The following SH3BP2 variants were observed in gnomAD, a reference collection of about 807,000 sequenced individuals.
SH3BP2 encodes the protein SH3 domain binding protein 2, also known as SH3 domain-binding protein 2.
In SH3BP2, 38 loss-of-function variants were observed where a neutral mutation model predicts 56.2. The observed-to-expected ratio is 0.68, with a 90% confidence interval of 0.52 to 0.89. The LOEUF (loss-of-function observed/expected upper bound fraction) is 0.89, where lower values mean the gene tolerates loss of function less well. SH3BP2 is among the 40% of genes least tolerant of loss of function. The pLI, the probability that SH3BP2 is intolerant of heterozygous loss-of-function variation, is 0.00. For synonymous variants in SH3BP2, 346 were observed against 316.7 expected, an observed-to-expected ratio of 1.09 and a Z score of -0.98; for missense variants, 748 against 762.6, an observed-to-expected ratio of 0.98 and a Z score of 0.23.
In SH3BP2 at chr4:2,810,879, G is replaced by A. The variant is rs919623932; in HGVS notation, c.-4-9735G>A. Among the ~76,000 whole-genome samples, 4 of 152,194 alleles carry A rather than the reference G, an allele frequency of 2.6e-5. No individual in the cohort carries two copies. The highest frequency in any genetic ancestry group is 5.9e-5 in the Non-Finnish European group (4 of 68,036). ...TCTCAACCCTCCTGCAAGGAGGAAA[G>A]AGAATGGGAAGAGGCCCCACTCTGT... On this transcript the variant is annotated intron_variant, in intron 1 of 12. Transcript: ENST00000503393. The surrounding 1 kb of genome is among the most constrained non-coding windows in gnomAD (Gnocchi z 4.2).
chr4:2,833,994 C>A lies in SH3BP2; in HGVS notation c.*160C>A. ...CTCGTAGGACCCAGCCAGTCTCATC[C>A]AGCAGGTTGGGTTCTAGGGCTGAAC... On this transcript the variant is annotated 3_prime_UTR_variant, in exon 13 of 13. Transcript: ENST00000503393. 1 of 890,580 alleles carries A rather than the reference C, an allele frequency of 1.1e-6. No individual in the cohort carries two copies. Among genetic ancestry groups the A allele is most frequent in the Non-Finnish European group, 1.7e-6 (1 of 600,370 alleles). The allele number at this position is 890,580 out of a possible 1,614,324, so 55.2% of individuals were successfully genotyped here.
At position 2,832,422 on chromosome 4, in the gene SH3BP2, A is replaced by G. The variant is rs770505989; in HGVS notation, c.1488+10A>G. 1 of 1,610,966 alleles carries G rather than the reference A, an allele frequency of 6.2e-7. No individual in the cohort carries two copies. The highest frequency in any genetic ancestry group is 2.2e-5 in the East Asian group (1 of 44,864). On this transcript the variant is annotated intron_variant, in intron 11 of 12. Coordinates refer to ENST00000503393, the MANE Select transcript of SH3BP2 (RefSeq NM_001122681.2). The stretch of plus-strand genomic sequence containing the variant: ...TACCAAGTCGGGGAAGGTAGGCGCC[A>G]GGGGAAGATGCCCCAGGGCCCCTCT...
intron 1 of SH3BP2, among the ~76,000 whole-genome samples, chr4:2,795,044 ATG>A (rs1723016716): frequency 6.6e-6 from 1 of 152,100 alleles, no homozygotes; most frequent in Non-Finnish European, 1.5e-5. Flanking sequence ...TTTCTCATCC[ATG>A]ACCTGAGGGC....
chr4:2,822,858 C>G (rs1350797726), intron 2 of SH3BP2, 77 bp from the exon 3 acceptor site: 1 of 1,107,210 alleles, frequency 9.0e-7, no homozygotes, highest in Admixed American at 1.9e-5. Flanking sequence ...CCCAAGTTGT[C>G]CTGTGGAGGG....
At chr4:2,806,929 C>T (rs1196337603) in intron 1 of SH3BP2, among the ~76,000 whole-genome samples, 1 of 152,262 alleles carries the variant, frequency 6.6e-6, no homozygotes, top group Admixed American at 6.5e-5. Flanking sequence ...TCTCTGAAGC[C>T]CAGGTGCCAT....
At chr4:2,817,376 G>A (rs1724044216) in intron 1 of SH3BP2, among the ~76,000 whole-genome samples, 1 of 152,232 alleles carries the variant, frequency 6.6e-6, no homozygotes, top group Non-Finnish European at 1.5e-5. Flanking sequence ...GCCAGACAAG[G>A]GCACTGAGAA....
chr4:2,812,529 A>C (rs548421971), intron 1 of SH3BP2: 1 of 1,524,992 alleles, frequency 6.6e-7, no homozygotes, highest in African/African-American at 1.4e-5. Flanking sequence ...CTGGTCTAGC[A>C]CCTGAAGAAC....
chr4:2,818,940 T>C, intron 1 of SH3BP2: 17 of 969,440 alleles, frequency 1.8e-5, no homozygotes, highest in Non-Finnish European at 2.1e-5. Flanking sequence ...ATTTATTTTG[T>C]TTTTAATTTT....
chr4:2,825,242 C>A, intron 5 of SH3BP2, 46 bp downstream of exon 5: 1 of 1,484,044 alleles, frequency 6.7e-7, no homozygotes, highest in Non-Finnish European at 9.2e-7. Context: ...GTCCCTGGGG[C>A]GCCTGGGCCT....
chr4:2,830,789 G>T (rs1456341121), intron 8 of SH3BP2, among the ~76,000 whole-genome samples: 2 of 152,232 alleles, frequency 1.3e-5, no homozygotes, highest in Non-Finnish European at 2.9e-5. Flanking sequence ...GCCTTGCCTG[G>T]CAGGCAAAGG....
chr4:2,827,555 A>C (rs1468832527), intron 6 of SH3BP2, 51 bp from the exon 7 acceptor site: 1 of 1,541,076 alleles, frequency 6.5e-7, no homozygotes, highest in East Asian at 2.4e-5. Flanking sequence ...CATTGCTCGG[A>C]GACTGGGCCT....
At position 2,831,372 on chromosome 4, in the gene SH3BP2, C is replaced by T. The variant is rs79252099; in HGVS notation, c.1242-199C>T. Among the ~76,000 whole-genome samples the T allele has an allele frequency of 2.1e-3, 313 of 152,302 alleles. 2 individuals carry two copies. Among genetic ancestry groups the T allele is most frequent in the African/African-American group, 6.5e-3 (270 of 41,554 alleles). On this transcript the variant is annotated intron_variant, in intron 8 of 12. Coordinates refer to ENST00000503393, the MANE Select transcript of SH3BP2 (RefSeq NM_001122681.2). The surrounding 1 kb of genome is among the most constrained non-coding windows in gnomAD (Gnocchi z 4.1). ...CAGCCCTGACCCCTGACTCCGGTGT[C>T]GGGCGATTCCTGCTGTCCCAGGGCA...
chr4:2,836,298 T>C lies in SH3BP2; in HGVS notation c.*2464T>C, dbSNP rs886059366. On this transcript the variant is annotated 3_prime_UTR_variant, in exon 13 of 13. Transcript: ENST00000503393. The stretch of plus-strand genomic sequence containing the variant: ...TGGGGCAGGCCGTGGTCCTCCAGCA[T>C]GAAGAAGGAGCCATGAGGAGTTCCC... 5.9e-5 allele frequency: 9 copies of C among 152,590 alleles called. No individual in the cohort carries two copies. The East Asian group carries it at 1.7e-3, about 29-fold the overall frequency. The allele number at this position is 152,590 out of a possible 1,614,324, so 9.5% of individuals were successfully genotyped here.
In SH3BP2 at chr4:2,831,170, G is replaced by A. The variant is rs1014601683; in HGVS notation, c.1242-401G>A. Among the ~76,000 whole-genome samples the A allele has an allele frequency of 2.6e-5, 4 of 152,224 alleles. No individual in the cohort carries two copies. Among genetic ancestry groups the A allele is most frequent in the African/African-American group, 7.2e-5 (3 of 41,460 alleles). On this transcript the variant is annotated intron_variant, in intron 8 of 12. Transcript: ENST00000503393. The surrounding 1 kb of genome is among the most constrained non-coding windows in gnomAD (Gnocchi z 4.1). The stretch of plus-strand genomic sequence containing the variant: ...GGAGGCGTGCAGGGACGCCATGGGC[G>A]TCCTTTGGGGTCACACTGCATTGTT...
chr4:2,825,792 C>T (rs1724583386), intron 5 of SH3BP2, among the ~76,000 whole-genome samples: 1 of 152,246 alleles, frequency 6.6e-6, no homozygotes, highest in African/African-American at 2.4e-5. Flanking sequence ...CCCCTACGCC[C>T]ACCCTGGCTC....
At chr4:2,828,358 C>T (rs1724791213) in intron 7 of SH3BP2, among the ~76,000 whole-genome samples, 1 of 152,114 alleles carries the variant, frequency 6.6e-6, no homozygotes, top group Admixed American at 6.5e-5. Flanking sequence ...CCGACCCCAG[C>T]CCCTGACCCC....
rs1724970326 is a variant in SH3BP2 at position 2,831,290 on chromosome 4, T to TG, written c.1242-280dup. 6.6e-6 allele frequency among the ~76,000 whole-genome samples: 1 copy of TG among 152,194 alleles called. No homozygotes were observed. Reference sequence around the variant, plus strand: ...CCCCACGAGCATCCAGAGCACTTGTTGACGGTGTGATGACACTGAGCTTGG... The same window carrying TG: ...CCCCACGAGCATCCAGAGCACTTGTTGGACGGTGTGATGACACTGAGCTTGG... On this transcript the variant is annotated intron_variant, in intron 8 of 12. Transcript: ENST00000503393. The surrounding 1 kb of genome is among the most constrained non-coding windows in gnomAD (Gnocchi z 4.1).
Position 2,834,010 on chromosome 4 carries a change from A to G in SH3BP2, c.*176A>G. 3 of 754,984 alleles carry G rather than the reference A, an allele frequency of 4.0e-6. No homozygotes were observed. The highest frequency in any genetic ancestry group is 4.2e-6 in the Non-Finnish European group (2 of 478,816). The allele number at this position is 754,984 out of a possible 1,614,324, so 46.8% of individuals were successfully genotyped here. ...AGTCTCATCCAGCAGGTTGGGTTCT[A>G]GGGCTGAACCAGGCGCCAGGCTCCA... On this transcript the variant is annotated 3_prime_UTR_variant, in exon 13 of 13. Coordinates refer to ENST00000503393, the MANE Select transcript of SH3BP2 (RefSeq NM_001122681.2).
At chr4:2,828,039 A>T (rs1274985239) in intron 7 of SH3BP2, among the ~76,000 whole-genome samples, 2 of 152,120 alleles carry the variant, frequency 1.3e-5, no homozygotes, top group African/African-American at 4.8e-5. Flanking sequence ...GCTGCAGGCC[A>T]GGTCGTTGTC....
Sources: allele counts gnomAD v4.1 joint callset (sites outside exome capture counted in the v4.1 genomes callset), GRCh38; gene constraint gnomAD v4.1.1; non-coding constraint Gnocchi (gnomAD v3.1); transcripts MANE v1.5; gene names NCBI Gene and HGNC (gene_info 2026-07-23, HGNC 2026-07-21).